Variants in HERC2 observed in about 807,000 individuals in gnomAD.
The protein encoded by HERC2 is HECT and RLD domain containing E3 ubiquitin protein ligase 2.
Under a neutral mutation model 537.7 loss-of-function variants are expected in HERC2, and 102 were observed. The ratio of observed to expected loss-of-function variants is 0.19; its 90% confidence interval spans 0.16 to 0.22. The LOEUF (loss-of-function observed/expected upper bound fraction) is 0.22. Among genes scored for constraint, HERC2 ranks in the 10% least tolerant of loss-of-function variants. The pLI, the probability that HERC2 is intolerant of heterozygous loss-of-function variation, is 1.00. For missense variants in HERC2, 4,236 were observed against 6,198.2 expected (o/e 0.68, Z 10.63); for synonymous variants, 2,224 against 2,466.2 (o/e 0.90, Z 2.91).
At chr15:28,182,674 A>G (rs1895937749) in intron 56 of HERC2, among the ~76,000 whole-genome samples, 162 bp from the exon 57 acceptor site, 1 of 148,666 alleles carries the variant, frequency 6.7e-6, no homozygotes, top group South Asian at 2.1e-4. Context: ...AAGCATGTAC[A>G]GGAGTAAGTC....
intron 3 of HERC2, among the ~76,000 whole-genome samples, chr15:28,297,201 G>C (rs1171007339): frequency 6.6e-6 from 1 of 152,198 alleles, no homozygotes; most frequent in South Asian, 2.1e-4. Flanking sequence ...TACATAAATG[G>C]ATTTTGCCCA....
chr15:28,113,079 C>A lies in HERC2; in HGVS notation c.14224G>T (p.Val4742Phe). Residue 4742 changes from valine (V) to phenylalanine (F), a missense_variant, in exon 92 of 93, where the codon GTC becomes TTC. Physicochemically the swap from Val to Phe is conservative, Grantham distance 50. Coordinates refer to ENST00000261609, the MANE Select transcript of HERC2 (RefSeq NM_004667.6). The surrounding 1 kb of genome is among the most constrained non-coding windows in gnomAD (Gnocchi z 7.0). ...TIADFRGRDF[V>F]IQVLDKYNPP... ...CCCAGCCAGGAGCCTACCTGGATGA[C>A]GAAGTCTCGGCCCCGGAAGTCGGCG... 6.2e-7 allele frequency: 1 copy of A among 1,613,046 alleles called. No individual in the cohort carries two copies.
intron 78 of HERC2, among the ~76,000 whole-genome samples, chr15:28,138,430 G>C (rs1270618071): frequency 6.6e-6 from 1 of 152,190 alleles, no homozygotes; most frequent in Non-Finnish European, 1.5e-5. Context: ...TGAAGTCAAT[G>C]CTCATTGACC....
chr15:28,246,511 A>G (rs1903719309), intron 22 of HERC2, among the ~76,000 whole-genome samples: 1 of 152,148 alleles, frequency 6.6e-6, no homozygotes, highest in South Asian at 2.1e-4. Flanking sequence ...AAATGTCAAT[A>G]ATGGAAGTAT....
chr15:28,256,540 C>A (rs1039421040), intron 17 of HERC2, among the ~76,000 whole-genome samples: 2 of 152,150 alleles, frequency 1.3e-5, no homozygotes, highest in African/African-American at 4.8e-5. Context: ...TTATGGAAAG[C>A]TCAAGATCAG....
In HERC2 at chr15:28,113,068, T is replaced by C; in HGVS notation, c.14232+3A>G. Reference sequence around the variant, plus strand: ...GGGCCGGCAAGCCCAGCCAGGAGCCTACCTGGATGACGAAGTCTCGGCCCC... The same window carrying C: ...GGGCCGGCAAGCCCAGCCAGGAGCCCACCTGGATGACGAAGTCTCGGCCCC... On this transcript the variant is annotated splice_donor_region_variant and intron_variant, in intron 92 of 92. Transcript: ENST00000261609. The surrounding 1 kb of genome is among the most constrained non-coding windows in gnomAD (Gnocchi z 7.0). 1 of 1,612,258 alleles carries C rather than the reference T, an allele frequency of 6.2e-7. No homozygotes were observed. The highest frequency in any genetic ancestry group is 8.5e-7 in the Non-Finnish European group (1 of 1,179,404).
chr15:28,155,619 T>C (rs1892926754), intron 69 of HERC2, among the ~76,000 whole-genome samples: 1 of 149,648 alleles, frequency 6.7e-6, no homozygotes, highest in African/African-American at 2.6e-5. Flanking sequence ...GGTTGTTTTT[T>C]TCTTGTAAAT....
intron 55 of HERC2, among the ~76,000 whole-genome samples, chr15:28,188,483 G>A (rs549097109): frequency 1.3e-5 from 2 of 151,874 alleles, no homozygotes; most frequent in African/African-American, 4.8e-5. Context: ...GATAGAGCTT[G>A]CAGTGAGCCG....
chr15:28,131,907 C>T (rs894698949), intron 81 of HERC2, among the ~76,000 whole-genome samples, 193 bp downstream of exon 81: 1 of 152,170 alleles, frequency 6.6e-6, no homozygotes, highest in Admixed American at 6.5e-5. Context: ...CCCTCTAGGC[C>T]CTCCACACAC....
chr15:28,179,868 C>T (rs1895658481), intron 57 of HERC2, among the ~76,000 whole-genome samples: 1 of 152,112 alleles, frequency 6.6e-6, no homozygotes, highest in Non-Finnish European at 1.5e-5. Flanking sequence ...ACATTTTGTG[C>T]AGAGCTGTGT....
chr15:28,253,875 T>C (rs1400900393), intron 20 of HERC2, among the ~76,000 whole-genome samples: 1 of 151,868 alleles, frequency 6.6e-6, no homozygotes, highest in African/African-American at 2.4e-5. Context: ...GGCAGGAGAA[T>C]TGCTAGAACC....
intron 2 of HERC2, among the ~76,000 whole-genome samples, chr15:28,306,032 G>A (rs562189213): frequency 6.6e-6 from 1 of 152,124 alleles, no homozygotes; most frequent in Non-Finnish European, 1.5e-5. Flanking sequence ...GAAACAACAG[G>A]TGCTGGAGAG....
At chr15:28,174,335 A>G in intron 65 of HERC2, 60 bp downstream of exon 65, 2 of 1,191,510 alleles carry the variant, frequency 1.7e-6, no homozygotes. Flanking sequence ...AATTAAATAA[A>G]TCTATAAGGT....
Position 28,163,154 on chromosome 15 carries a change from C to T in HERC2, c.10686G>A (p.Gly3562=), listed in dbSNP as rs371395759. The change falls in exon 69 of 93, where the codon GGG becomes GGA. Residue 3562 remains glycine (G), a synonymous_variant. Coordinates refer to ENST00000261609, the MANE Select transcript of HERC2 (RefSeq NM_004667.6). ...CGGAGAGCACATCCCTGCCCCTGTCCCCGGCCCGGCTGCACACTGACAGCT... is the reference window on the plus strand; with the variant it reads ...CGGAGAGCACATCCCTGCCCCTGTCTCCGGCCCGGCTGCACACTGACAGCT... ...LLKLSVCSRA[G]DRGRDVLSAV... 1.2e-6 allele frequency: 2 copies of T among 1,613,074 alleles called. No homozygotes were observed. The highest frequency in any genetic ancestry group is 1.7e-6 in the Non-Finnish European group (2 of 1,180,024).
At chr15:28,291,956 A>AGTGGCTC in intron 4 of HERC2, among the ~76,000 whole-genome samples, 1 of 148,396 alleles carries the variant, frequency 6.7e-6, no homozygotes, top group African/African-American at 2.5e-5. Context: ...GGCCAGGTGC[A>AGTGGCTC]GTGGCTCATG....
At chr15:28,266,095 TC>T in intron 12 of HERC2, 121 bp from the exon 13 acceptor site, 1 of 1,013,982 alleles carries the variant, frequency 9.9e-7, no homozygotes, top group Non-Finnish European at 1.4e-6. Context: ...AGTTTCACCT[TC>T]CAGGTACCTT....
At chr15:28,233,025 C>G (rs1902043408) in intron 30 of HERC2, 121 bp downstream of exon 30, 1 of 713,630 alleles carries the variant, frequency 1.4e-6, no homozygotes, top group African/African-American at 1.8e-5. Flanking sequence ...AAAATGATGG[C>G]AGCAGGTAGA....
chr15:28,314,699 A>G (rs941826497), intron 2 of HERC2, among the ~76,000 whole-genome samples: 13 of 151,918 alleles, frequency 8.6e-5, no homozygotes, highest in African/African-American at 2.7e-4. Flanking sequence ...TACTAAAAAT[A>G]CAAAAAAAAA....
At chr15:28,228,164 T>C in intron 35 of HERC2, 54 bp downstream of exon 35, 3 of 1,369,338 alleles carry the variant, frequency 2.2e-6, no homozygotes, top group East Asian at 2.4e-5. Context: ...AGAAAAGAAA[T>C]CAAAGCAAAA....
Sources: allele counts gnomAD v4.1 joint callset (sites outside exome capture counted in the v4.1 genomes callset), GRCh38; gene constraint gnomAD v4.1.1; non-coding constraint Gnocchi (gnomAD v3.1); transcripts MANE v1.5; gene names NCBI Gene and HGNC (gene_info 2026-07-23, HGNC 2026-07-21).